Variants in CNTNAP2 observed in about 807,000 individuals in gnomAD.
CNTNAP2 encodes the protein contactin-associated protein-like 2.
In CNTNAP2, 98 loss-of-function variants were observed where a neutral mutation model predicts 155.2. The ratio of observed to expected loss-of-function variants is 0.63; its 90% confidence interval spans 0.54 to 0.75. The LOEUF is 0.75. Among genes scored for constraint, CNTNAP2 ranks in the 30% least tolerant of loss-of-function variants. CNTNAP2 has a pLI of 0.00. For synonymous variants in CNTNAP2, 651 were observed against 631.2 expected (o/e 1.03, Z -0.47); for missense variants, 1,727 against 1,688.1 (o/e 1.02, Z -0.40).
At chr7:147,486,922 A>C (rs1798520453) in intron 11 of CNTNAP2, among the ~76,000 whole-genome samples, 1 of 53,522 alleles carries the variant, frequency 1.9e-5, no homozygotes, top group South Asian at 5.4e-4. Context: ...TGTGTAGGGA[A>C]GGAAGAGCAA....
chr7:147,879,242 A>G lies in CNTNAP2; in HGVS notation c.2099-24323A>G, dbSNP rs527687512. 5.9e-5 allele frequency among the ~76,000 whole-genome samples: 9 copies of G among 152,288 alleles called. No homozygotes were observed. In the East Asian group the frequency reaches 1.7e-3, roughly 29 times the overall value. On this transcript the variant is annotated intron_variant, in intron 13 of 23. Coordinates refer to ENST00000361727, the MANE Select transcript of CNTNAP2 (RefSeq NM_014141.6). Reference sequence around the variant, plus strand: ...TGGGATTGTGATTCCATGTGAAATAAGGCAACATTGGCCGGAGGAGCTGCC... The same window carrying G: ...TGGGATTGTGATTCCATGTGAAATAGGGCAACATTGGCCGGAGGAGCTGCC...
At chr7:148,078,166 C>T (rs906491068) in intron 15 of CNTNAP2, among the ~76,000 whole-genome samples, 9 of 151,998 alleles carry the variant, frequency 5.9e-5, no homozygotes, top group African/African-American at 2.2e-4. Context: ...TGGGTTCAAG[C>T]GATTCTCATG....
chr7:147,077,197 CT>C (rs994056351), intron 4 of CNTNAP2, among the ~76,000 whole-genome samples: 7 of 151,904 alleles, frequency 4.6e-5, no homozygotes, highest in South Asian at 4.2e-4. Context: ...AGATTTTAAT[CT>C]TTTTTTTACT....
chr7:147,315,022 C>T (rs932427144), intron 9 of CNTNAP2, among the ~76,000 whole-genome samples: 1 of 147,016 alleles, frequency 6.8e-6, no homozygotes, highest in Non-Finnish European at 1.5e-5. Context: ...GAGCAGTGGG[C>T]AGAGATTTTG....
chr7:147,454,451 A>G (rs1006422786), intron 10 of CNTNAP2, among the ~76,000 whole-genome samples: 1 of 152,126 alleles, frequency 6.6e-6, no homozygotes, highest in African/African-American at 2.4e-5. Flanking sequence ...TTATAATTAC[A>G]GTTTGGGATA....
chr7:147,446,242 T>A (rs1388417089), intron 10 of CNTNAP2, among the ~76,000 whole-genome samples: 5 of 151,958 alleles, frequency 3.3e-5, no homozygotes, highest in Non-Finnish European at 7.4e-5. Flanking sequence ...TATCATGTTT[T>A]GTTTCCTAGA....
intron 2 of CNTNAP2, among the ~76,000 whole-genome samples, chr7:146,823,833 A>G (rs1803345835): frequency 6.6e-6 from 1 of 152,048 alleles, no homozygotes; most frequent in Non-Finnish European, 1.5e-5. Context: ...GTTGAGATTT[A>G]TAACTTGGAC....
chr7:146,721,825 C>CTA (rs1202522762), intron 1 of CNTNAP2, among the ~76,000 whole-genome samples: 1 of 101,250 alleles, frequency 9.9e-6, no homozygotes, highest in Non-Finnish European at 1.8e-5. Flanking sequence ...TATATGTAGA[C>CTA]TATATATAGT....
chr7:148,383,911 G>A (rs751858086), intron 22 of CNTNAP2, 23 bp downstream of exon 22: 3 of 1,607,462 alleles, frequency 1.9e-6, no homozygotes, highest in South Asian at 1.1e-5. Flanking sequence ...GCAACCTCAG[G>A]CAGGTTGCTT....
At chr7:148,098,571 G>A (rs954435865) in intron 15 of CNTNAP2, among the ~76,000 whole-genome samples, 1 of 152,006 alleles carries the variant, frequency 6.6e-6, no homozygotes, top group Middle Eastern at 3.4e-3. Flanking sequence ...TGGGCACAGT[G>A]GTGTGCATCA....
intron 6 of CNTNAP2, among the ~76,000 whole-genome samples, chr7:147,127,986 A>G (rs1214820394): frequency 2.6e-5 from 4 of 152,206 alleles, no homozygotes; most frequent in Non-Finnish European, 5.9e-5. Flanking sequence ...TCAAAAATGT[A>G]TAAGAAATGG....
chr7:147,090,842 T>G (rs1036933685), intron 4 of CNTNAP2, among the ~76,000 whole-genome samples: 1 of 152,186 alleles, frequency 6.6e-6, no homozygotes, highest in Admixed American at 6.5e-5. Context: ...GTGAAAGCGT[T>G]TCAATGTCTG....
At chr7:147,945,693 A>G (rs1009768858) in intron 14 of CNTNAP2, among the ~76,000 whole-genome samples, 7 of 150,496 alleles carry the variant, frequency 4.7e-5, no homozygotes, top group South Asian at 4.2e-4. Context: ...AAGCCTTTAT[A>G]TATATATATA....
intron 1 of CNTNAP2, among the ~76,000 whole-genome samples, chr7:146,436,167 A>G (rs1039042700): frequency 6.6e-6 from 1 of 152,154 alleles, no homozygotes; most frequent in Non-Finnish European, 1.5e-5. Flanking sequence ...CAATACTCTT[A>G]GAATAAACCA....
chr7:147,500,085 ATTTTT>A (rs1229995396), intron 11 of CNTNAP2, among the ~76,000 whole-genome samples: 3 of 151,210 alleles, frequency 2.0e-5, no homozygotes. Flanking sequence ...CCAGAGCAAG[ATTTTT>A]TTTTAAAAAA....
chr7:148,385,513 G>A (rs905518324), intron 22 of CNTNAP2, among the ~76,000 whole-genome samples: 4 of 152,116 alleles, frequency 2.6e-5, no homozygotes, highest in East Asian at 1.9e-4. Flanking sequence ...GAGTCCTTCC[G>A]CTGTCAAAGG....
At chr7:146,648,106 CCT>C (rs1563171421) in intron 1 of CNTNAP2, among the ~76,000 whole-genome samples, 1 of 152,158 alleles carries the variant, frequency 6.6e-6, no homozygotes, top group Non-Finnish European at 1.5e-5. Flanking sequence ...GTTGGACAAA[CCT>C]CTCTCATAAA....
At chr7:147,410,851 T>A (rs1372963501) in intron 10 of CNTNAP2, among the ~76,000 whole-genome samples, 1 of 152,230 alleles carries the variant, frequency 6.6e-6, no homozygotes, top group Non-Finnish European at 1.5e-5. Flanking sequence ...AAGCTACATA[T>A]GGCATGTGGC....
chr7:148,318,633 T>TAAA (rs1466648836), intron 21 of CNTNAP2, among the ~76,000 whole-genome samples: 3 of 152,204 alleles, frequency 2.0e-5, no homozygotes, highest in African/African-American at 7.2e-5. Flanking sequence ...GGCATGCTTT[T>TAAA]AACAAAGCAG....
Sources: allele counts gnomAD v4.1 joint callset (sites outside exome capture counted in the v4.1 genomes callset), GRCh38; gene constraint gnomAD v4.1.1; transcripts MANE v1.5; gene names NCBI Gene and HGNC (gene_info 2026-07-23, HGNC 2026-07-21).